Variants in PSMG2 observed in about 807,000 individuals in gnomAD.
PSMG2 encodes the protein proteasome assembly chaperone 2, also known as CD40 ligand-activated specific transcript 3.
A neutral mutation model predicts 31.5 loss-of-function variants in PSMG2; 21 were observed. The ratio of observed to expected loss-of-function variants is 0.67; its 90% CI spans 0.47 to 0.96. The LOEUF (loss-of-function observed/expected upper bound fraction) is 0.96. Among genes scored for constraint, PSMG2 ranks in the 40% least tolerant of loss-of-function variants. PSMG2 has a pLI of 0.00. For missense variants in PSMG2, 318 were observed against 321.2 expected, an observed-to-expected ratio of 0.99 and a Z score of 0.08; for synonymous variants, 120 against 110.4, an observed-to-expected ratio of 1.09 and a Z score of -0.54.
upstream of PSMG2, among the ~76,000 whole-genome samples, chr18:12,701,490 C>T (rs891078836): frequency 6.6e-6 from 1 of 152,118 alleles, no homozygotes; most frequent in Admixed American, 6.5e-5. Flanking sequence ...AGATGTGTAA[C>T]CTCAAGCCAA....
At chr18:12,670,213 C>G (rs991079714) in intron 1 of PSMG2, among the ~76,000 whole-genome samples, 5 of 151,670 alleles carry the variant, frequency 3.3e-5, no homozygotes, top group Non-Finnish European at 7.4e-5. Context: ...GCCTGTAGTC[C>G]CAGCTACTTG....
chr18:12,707,964 G>A (rs1253288183), intron 2 of PSMG2, among the ~76,000 whole-genome samples: 1 of 152,148 alleles, frequency 6.6e-6, no homozygotes, highest in Non-Finnish European at 1.5e-5. Flanking sequence ...TGCCTCAGAG[G>A]ATAAAGGACT....
At chr18:12,705,568 AGAGAGAGAGT>A (rs1316239097) in intron 1 of PSMG2, among the ~76,000 whole-genome samples, 195 of 126,824 alleles carry the variant, frequency 1.5e-3, no homozygotes, top group Admixed American at 2.7e-3. Flanking sequence ...AGAGAGAGAG[AGAGAGAGAGT>A]GTGTGTGTGT....
At position 12,718,593 on chromosome 18, in the gene PSMG2, C is replaced by T; in HGVS notation, c.365C>T (p.Ser122Leu). The change falls in exon 4 of 7, where the codon TCA becomes TTA. Residue 122 changes from serine to leucine, a missense_variant. Physicochemically the swap from Ser to Leu is moderately radical, Grantham distance 145. Coordinates refer to ENST00000317615, the MANE Select transcript of PSMG2 (RefSeq NM_020232.5). Reference protein sequence around the residue: ...SSGCARVIVLSSSHSYQRNDL... With the variant: ...SSGCARVIVLLSSHSYQRNDL... ...GGCTGTGCCAGAGTCATTGTTCTTTCAAGCAGTCATTCATATCAGCGTAAT... is the reference window on the plus strand; with the variant it reads ...GGCTGTGCCAGAGTCATTGTTCTTTTAAGCAGTCATTCATATCAGCGTAAT... 1 of 1,612,326 alleles carries T rather than the reference C, an allele frequency of 6.2e-7. No individual in the cohort carries two copies.
chr18:12,682,437 C>T (rs556207529), intron 1 of PSMG2, among the ~76,000 whole-genome samples: 1 of 152,288 alleles, frequency 6.6e-6, no homozygotes, highest in African/African-American at 2.4e-5. Context: ...AATCCGCTTG[C>T]CTCAGCCTCC....
At chr18:12,697,695 AAG>A (rs1187386701) in intron 1 of PSMG2, among the ~76,000 whole-genome samples, 1 of 151,432 alleles carries the variant, frequency 6.6e-6, no homozygotes, top group African/African-American at 2.5e-5. Context: ...TACTTAACTA[AAG>A]TATATGCTAC....
At chr18:12,702,654 C>A, upstream of PSMG2, 1 of 1,293,534 alleles carries the variant, frequency 7.7e-7, no homozygotes, top group Non-Finnish European at 1.0e-6. Context: ...CACAAAGCGC[C>A]GCAGCCGTTC....
intron 1 of PSMG2, chr18:12,662,134 C>T (rs776418337): frequency 2.2e-6 from 1 of 449,036 alleles, no homozygotes; most frequent in South Asian, 1.6e-5. Flanking sequence ...TTTTCCCAGA[C>T]ACTTCTGGAC....
chr18:12,673,353 T>C, intron 1 of PSMG2: 1 of 1,596,340 alleles, frequency 6.3e-7, no homozygotes, highest in Non-Finnish European at 8.5e-7. Context: ...AAATCTTATA[T>C]AAATATTGGC....
At position 12,725,427 on chromosome 18, in the gene PSMG2, C is replaced by T. The variant is rs1375945025; in HGVS notation, c.703-12C>T. On this transcript the variant is annotated splice_polypyrimidine_tract_variant and intron_variant, in intron 6 of 6. Coordinates refer to ENST00000317615, the MANE Select transcript of PSMG2 (RefSeq NM_020232.5). The stretch of plus-strand genomic sequence containing the variant: ...AGTTTAAAGATTAAAATATTTTGTT[C>T]TTCAATTACAGAGCGATGACCCCAC... 6.5e-7 allele frequency: 1 copy of T among 1,537,896 alleles called. No homozygotes were observed.
intron 1 of PSMG2, among the ~76,000 whole-genome samples, chr18:12,688,052 G>A (rs1475173691): frequency 2.0e-5 from 3 of 151,642 alleles, no homozygotes; most frequent in African/African-American, 7.3e-5. Context: ...TTCCATCCTG[G>A]CTAACATGGT....
At chr18:12,711,955 C>A (rs1467766338) in intron 2 of PSMG2, among the ~76,000 whole-genome samples, 2 of 151,930 alleles carry the variant, frequency 1.3e-5, no homozygotes, top group Non-Finnish European at 2.9e-5. Flanking sequence ...GGGTTTCATT[C>A]ACCATGTTAG....
At chr18:12,698,261 C>A (rs1002596153), upstream of PSMG2, among the ~76,000 whole-genome samples, 1 of 151,770 alleles carries the variant, frequency 6.6e-6, no homozygotes, top group East Asian at 1.9e-4. Flanking sequence ...CAGAGTCTCA[C>A]TCTGTTGCCC....
intron 1 of PSMG2, chr18:12,671,133 G>C (rs903952707): frequency 3.3e-5 from 5 of 150,042 alleles, no homozygotes; most frequent in South Asian, 4.2e-4. Context: ...AGAGAAATAG[G>C]GGGGGGTCTC....
chr18:12,679,521 C>T (rs1194246437), intron 1 of PSMG2, among the ~76,000 whole-genome samples: 2 of 152,168 alleles, frequency 1.3e-5, no homozygotes, highest in Non-Finnish European at 2.9e-5. Context: ...TTTTCTCCCC[C>T]TTCAAATTGC....
intron 1 of PSMG2, among the ~76,000 whole-genome samples, chr18:12,677,178 C>T (rs978072609): frequency 2.0e-5 from 3 of 152,006 alleles, no homozygotes; most frequent in Non-Finnish European, 4.4e-5. Flanking sequence ...TCTGGCTGGG[C>T]GCAGTGGCTC....
intron 1 of PSMG2, chr18:12,691,291 T>C (rs2039752843): frequency 9.1e-6 from 9 of 993,940 alleles, no homozygotes; most frequent in Non-Finnish European, 1.2e-5. Flanking sequence ...AAATATTAAA[T>C]GAAATTTACA....
chr18:12,701,008 T>C, upstream of PSMG2: 1 of 1,613,948 alleles, frequency 6.2e-7, no homozygotes, highest in African/African-American at 1.3e-5. Flanking sequence ...CCTCGACGTC[T>C]AAGGGCTTTG....
intron 1 of PSMG2, among the ~76,000 whole-genome samples, chr18:12,694,350 C>T (rs1156546762): frequency 6.6e-6 from 1 of 152,134 alleles, no homozygotes; most frequent in East Asian, 1.9e-4. Flanking sequence ...TGTATGTAAT[C>T]AAGGAGAACC....
Sources: allele counts gnomAD v4.1 joint callset (sites outside exome capture counted in the v4.1 genomes callset), GRCh38; gene constraint gnomAD v4.1.1; transcripts MANE v1.5; gene names NCBI Gene and HGNC (gene_info 2026-07-23, HGNC 2026-07-21).